AIG1: variants seen among roughly 807,000 people sequenced by gnomAD.
AIG1 encodes the protein androgen-induced gene 1 protein.
AIG1 carries 23 observed loss-of-function variants against 31.4 expected under a neutral mutation model. That is an observed-to-expected ratio of 0.73 (90% CI 0.53 to 1.04). The LOEUF is 1.04. Ranked by LOEUF, AIG1 falls within the 50% of genes least tolerant of loss-of-function variation. The pLI is 0.00. For missense variants in AIG1, 274 were observed against 295.0 expected (o/e 0.93, Z 0.52); for synonymous variants, 100 against 110.5 (o/e 0.90, Z 0.60).
At chr6:143,335,216 T>C (rs769657659) in intron 5 of AIG1, 41 of 1,127,638 alleles carry the variant, frequency 3.6e-5, no homozygotes, top group Non-Finnish European at 4.5e-5. Context: ...GTGGAATTTT[T>C]GTTTTTGAAT....
At chr6:143,336,510 CT>C (rs1235159190) in intron 5 of AIG1, among the ~76,000 whole-genome samples, 1 of 152,152 alleles carries the variant, frequency 6.6e-6, no homozygotes, top group East Asian at 1.9e-4. Context: ...AGGGCCCACC[CT>C]GATGACCTCA....
chr6:143,252,040 T>C (rs979753402), intron 3 of AIG1, among the ~76,000 whole-genome samples: 1 of 152,234 alleles, frequency 6.6e-6, no homozygotes, highest in Admixed American at 6.5e-5. Context: ...CAGATATTTA[T>C]GTGAGTACCA....
intron 1 of AIG1, among the ~76,000 whole-genome samples, chr6:143,063,564 A>G (rs909220795): frequency 6.6e-6 from 1 of 152,244 alleles, no homozygotes; most frequent in Non-Finnish European, 1.5e-5. Context: ...TGAAATGATT[A>G]GGCTACTATA....
rs908179021 is a variant in AIG1 at position 143,330,374 on chromosome 6, C to T, written c.516-2908C>T. 1.3e-5 allele frequency among the ~76,000 whole-genome samples: 2 copies of T among 152,046 alleles called. No individual in the cohort carries two copies. Among genetic ancestry groups the T allele is most frequent in the Admixed American group, 6.6e-5 (1 of 15,266 alleles). On this transcript the variant is annotated intron_variant, in intron 4 of 5. Coordinates refer to ENST00000357847, the MANE Select transcript of AIG1 (RefSeq NM_016108.4). The surrounding 1 kb of genome is among the most constrained non-coding windows in gnomAD (Gnocchi z 4.4). ...TGGAAAGGTGACATTTGAGTGAAAA[C>T]CCGAAGGACACAAGGGAGCCCAAGG...
chr6:143,137,096 A>G, intron 2 of AIG1, 106 bp downstream of exon 2: 1 of 1,204,458 alleles, frequency 8.3e-7, no homozygotes, highest in Non-Finnish European at 1.1e-6. Context: ...CTGTATTATT[A>G]GTTTGCTGGA....
At chr6:143,164,613 G>T (rs567537830) in intron 2 of AIG1, among the ~76,000 whole-genome samples, 2 of 152,318 alleles carry the variant, frequency 1.3e-5, no homozygotes, top group Non-Finnish European at 2.9e-5. Context: ...GCTGCTAGTG[G>T]TGAAGTGGAA....
intron 2 of AIG1, among the ~76,000 whole-genome samples, chr6:143,150,047 C>A (rs1380041582): frequency 2.0e-5 from 3 of 152,198 alleles, no homozygotes; most frequent in Admixed American, 2.0e-4. Context: ...GACACCTACA[C>A]CGTGAAATAT....
intron 1 of AIG1, among the ~76,000 whole-genome samples, chr6:143,100,126 G>C (rs1219178028): frequency 6.6e-6 from 1 of 152,208 alleles, no homozygotes; most frequent in Non-Finnish European, 1.5e-5. Context: ...CGTGGGTCCT[G>C]ATGCCACCCA....
At chr6:143,059,445 T>C (rs772135855), upstream of AIG1, among the ~76,000 whole-genome samples, 14 of 152,198 alleles carry the variant, frequency 9.2e-5, no homozygotes, top group Non-Finnish European at 1.9e-4. Context: ...CTCTTTTTTA[T>C]TTTTATTTTT....
At chr6:143,278,281 T>C (rs940354551) in intron 3 of AIG1, among the ~76,000 whole-genome samples, 1 of 152,200 alleles carries the variant, frequency 6.6e-6, no homozygotes, top group African/African-American at 2.4e-5. Flanking sequence ...TATTCCAGTA[T>C]ACCCCAGTAT....
intron 3 of AIG1, among the ~76,000 whole-genome samples, chr6:143,232,464 T>C (rs995546415): frequency 2.0e-5 from 3 of 152,160 alleles, no homozygotes; most frequent in African/African-American, 7.2e-5. Flanking sequence ...CAAATGCATG[T>C]GTGCAGGCCA....
chr6:143,308,006 G>T (rs985480671), intron 4 of AIG1, among the ~76,000 whole-genome samples: 5 of 152,246 alleles, frequency 3.3e-5, no homozygotes, highest in African/African-American at 1.2e-4. Context: ...AGGACCCTCT[G>T]AGCCATGTGC....
chr6:143,156,881 C>T (rs1405431218), intron 2 of AIG1, among the ~76,000 whole-genome samples: 2 of 152,300 alleles, frequency 1.3e-5, no homozygotes, highest in East Asian at 3.9e-4. Context: ...TTGGGCTAGT[C>T]CATTCCCTGT....
intron 3 of AIG1, among the ~76,000 whole-genome samples, chr6:143,166,355 T>A (rs1786941958): frequency 1.3e-5 from 2 of 152,160 alleles, no homozygotes; most frequent in Non-Finnish European, 2.9e-5. Flanking sequence ...TCTCCAACTT[T>A]TTCCTTTTCT....
At position 143,280,127 on chromosome 6, in the gene AIG1, T is replaced by C. The variant is rs1225784760; in HGVS notation, c.400-3983T>C. Among the ~76,000 whole-genome samples, 4 of 152,226 alleles carry C rather than the reference T, an allele frequency of 2.6e-5. No individual in the cohort carries two copies. Among genetic ancestry groups the C allele is most frequent in the Non-Finnish European group, 5.9e-5 (4 of 68,048 alleles). ...AAATACTGTAAGTTGTAAATGGTAT[T>C]TGTGTTTGGGGAAACAGCAACAGAT... On this transcript the variant is annotated intron_variant, in intron 3 of 5. Coordinates refer to ENST00000357847, the MANE Select transcript of AIG1 (RefSeq NM_016108.4). The surrounding 1 kb of genome is among the most constrained non-coding windows in gnomAD (Gnocchi z 4.1).
chr6:143,272,471 C>CTTTT (rs1796599602), intron 3 of AIG1, among the ~76,000 whole-genome samples: 1 of 152,192 alleles, frequency 6.6e-6, no homozygotes, highest in South Asian at 2.1e-4. Context: ...AGTGAACACA[C>CTTTT]ACCAGCTTTT....
intron 1 of AIG1, among the ~76,000 whole-genome samples, chr6:143,086,412 T>C (rs574894861): frequency 2.0e-5 from 3 of 152,254 alleles, no homozygotes; most frequent in African/African-American, 7.2e-5. Flanking sequence ...CCCCTCTCTC[T>C]CTCTGCCTTG....
intron 3 of AIG1, chr6:143,188,462 A>T (rs563794147): frequency 1.4e-5 from 14 of 985,422 alleles, no homozygotes; most frequent in Non-Finnish European, 1.7e-5. Flanking sequence ...AGTCAGGGTT[A>T]GAGTGGCACT....
intron 2 of AIG1, among the ~76,000 whole-genome samples, chr6:143,137,772 C>A (rs973035266): frequency 6.6e-6 from 1 of 152,140 alleles, no homozygotes; most frequent in Admixed American, 6.5e-5. Context: ...AGATTTTAAC[C>A]TCTGTGTAGC....
Sources: allele counts gnomAD v4.1 joint callset (sites outside exome capture counted in the v4.1 genomes callset), GRCh38; gene constraint gnomAD v4.1.1; non-coding constraint Gnocchi (gnomAD v3.1); transcripts MANE v1.5; gene names NCBI Gene and HGNC (gene_info 2026-07-23, HGNC 2026-07-21).